The following GNAL variants were observed in gnomAD, a reference collection of about 807,000 sequenced individuals.
GNAL encodes G protein subunit alpha L.
A neutral mutation model predicts 55.1 loss-of-function variants in GNAL; 18 were observed. The observed-to-expected ratio is 0.33, with a 90% CI of 0.23 to 0.48. The LOEUF is 0.48. Among genes scored for constraint, GNAL ranks in the 20% least tolerant of loss-of-function variants. The pLI, the probability that GNAL is intolerant of heterozygous loss-of-function variation, is 0.99. For synonymous variants in GNAL, 253 were observed against 237.0 expected (o/e 1.07, Z -0.62); for missense variants, 412 against 614.1 (o/e 0.67, Z 3.48).
Position 11,752,280 on chromosome 18 carries a change from G to A in GNAL, c.377-573G>A, listed in dbSNP as rs534561697. 3.5e-6 allele frequency: 5 copies of A among 1,415,474 alleles called. No individual in the cohort carries two copies. The highest frequency in any genetic ancestry group is 4.6e-6 in the Non-Finnish European group (5 of 1,086,230). 87.7% of individuals were successfully genotyped at this position (1,415,474 alleles called of 1,614,324 possible). A position where few individuals can be genotyped will look rare whatever the true frequency, so the allele number is the denominator to read the frequency against. On this transcript the variant is annotated intron_variant, in intron 1 of 11. Transcript: ENST00000334049. This position sits in a 1 kb window ranked among gnomAD's most constrained non-coding sequence, Gnocchi z 4.5. ...GTGGGCAGGGGGAGGGAGAAGAAACGCCTGCTCTGAATCGGAAAACACCGA... is the reference window on the plus strand; with the variant it reads ...GTGGGCAGGGGGAGGGAGAAGAAACACCTGCTCTGAATCGGAAAACACCGA...
chr18:11,780,349 G>T, intron 4 of GNAL, among the ~76,000 whole-genome samples: 1 of 149,986 alleles, frequency 6.7e-6, no homozygotes. Flanking sequence ...AAATATCCAA[G>T]TTTGTTTTTA....
chr18:11,796,596 C>A (rs8098035), intron 4 of GNAL, among the ~76,000 whole-genome samples: 56,795 of 127,818 alleles, frequency 0.44, 14,533 homozygotes, highest in African/African-American at 0.73. Flanking sequence ...AAAAAAAAAA[C>A]AAAACACGCA....
intron 4 of GNAL, among the ~76,000 whole-genome samples, chr18:11,805,698 A>G (rs948821995): frequency 1.3e-5 from 2 of 152,160 alleles, no homozygotes; most frequent in African/African-American, 4.8e-5. Flanking sequence ...TCACTTTTTT[A>G]TGGCCAAAAA....
intron 1 of GNAL, among the ~76,000 whole-genome samples, chr18:11,730,411 C>T (rs1286278174): frequency 3.5e-4 from 53 of 151,942 alleles, no homozygotes; most frequent in Admixed American, 3.2e-3. Flanking sequence ...CTGCCTGCCT[C>T]GGCCTCCCAA....
At chr18:11,754,252 G>A (rs1205036804) in intron 4 of GNAL, among the ~76,000 whole-genome samples, 2 of 151,726 alleles carry the variant, frequency 1.3e-5, no homozygotes, top group South Asian at 2.1e-4. Flanking sequence ...CCATCTCTAC[G>A]AAAAATACAA....
At chr18:11,818,781 C>T (rs1380962568) in intron 4 of GNAL, among the ~76,000 whole-genome samples, 1 of 152,222 alleles carries the variant, frequency 6.6e-6, no homozygotes, top group East Asian at 1.9e-4. Flanking sequence ...AGGAAAGTCA[C>T]AGGATCCACA....
intron 4 of GNAL, among the ~76,000 whole-genome samples, chr18:11,788,731 C>T (rs955432302): frequency 6.6e-6 from 1 of 150,510 alleles, no homozygotes; most frequent in African/African-American, 2.5e-5. Context: ...AACCCCGTCT[C>T]TACTAAAAAT....
At chr18:11,798,557 TA>T (rs947343812) in intron 4 of GNAL, among the ~76,000 whole-genome samples, 11 of 152,168 alleles carry the variant, frequency 7.2e-5, no homozygotes, top group Non-Finnish European at 1.6e-4. Flanking sequence ...AGTCTTCTCT[TA>T]CCTTTATTTA....
intron 5 of GNAL, among the ~76,000 whole-genome samples, chr18:11,833,181 G>A (rs1303208259): frequency 2.0e-5 from 3 of 151,682 alleles, no homozygotes; most frequent in Admixed American, 6.6e-5. Context: ...ACAGGGGCCC[G>A]CCACCACTCC....
chr18:11,851,100 T>A (rs2035847646), intron 5 of GNAL, among the ~76,000 whole-genome samples: 2 of 152,218 alleles, frequency 1.3e-5, no homozygotes. Flanking sequence ...CGTGGGTAAT[T>A]TTACACGCGG....
chr18:11,708,531 G>C (rs2031766025), intron 1 of GNAL, among the ~76,000 whole-genome samples: 1 of 152,184 alleles, frequency 6.6e-6, no homozygotes, highest in Non-Finnish European at 1.5e-5. Context: ...ATATTGCAAA[G>C]ATTACCAAAA....
chr18:11,836,759 C>G (rs2035506911), intron 5 of GNAL, among the ~76,000 whole-genome samples: 1 of 152,122 alleles, frequency 6.6e-6, no homozygotes, highest in Non-Finnish European at 1.5e-5. Flanking sequence ...ATTAAAAGTT[C>G]ACCAAGCATT....
chr18:11,695,922 G>GCA (rs10661294), intron 1 of GNAL, among the ~76,000 whole-genome samples: 4,459 of 135,860 alleles, frequency 0.033, 79 homozygotes, highest in Non-Finnish European at 0.043. Flanking sequence ...ATGCACGCAT[G>GCA]CACACACACA....
In GNAL at chr18:11,868,597, G is replaced by T. The variant is rs373893245; in HGVS notation, c.965G>T (p.Arg322Leu). 2 of 1,610,812 alleles carry T rather than the reference G, an allele frequency of 1.2e-6. No homozygotes were observed. The highest frequency in any genetic ancestry group is 2.7e-5 in the African/African-American group (2 of 74,750). ...TGCAGTAGCTACAACATGGTGATTCGAGAAGATAACAACACCAACAGGCTG... is the reference window on the plus strand; with the variant it reads ...TGCAGTAGCTACAACATGGTGATTCTAGAAGATAACAACACCAACAGGCTG... ...AACSSYNMVI[R>L]EDNNTNRLRE... The change falls in exon 9 of 12, where the codon CGA becomes CTA. Residue 322 changes from arginine to leucine, a missense_variant. Coordinates refer to ENST00000334049, the MANE Select transcript of GNAL (RefSeq NM_182978.4). The surrounding 1 kb of genome is among the most constrained non-coding windows in gnomAD (Gnocchi z 4.0).
intron 4 of GNAL, among the ~76,000 whole-genome samples, chr18:11,808,846 C>T (rs1229777148): frequency 6.6e-6 from 1 of 152,218 alleles, no homozygotes; most frequent in Non-Finnish European, 1.5e-5. Flanking sequence ...CTGACACATG[C>T]CATATCAGAG....
chr18:11,726,705 A>G (rs2032219595), intron 1 of GNAL, among the ~76,000 whole-genome samples: 1 of 152,150 alleles, frequency 6.6e-6, no homozygotes, highest in Non-Finnish European at 1.5e-5. Context: ...ATACCCTCCC[A>G]TGCCTGAATC....
chr18:11,743,964 G>GAAC (rs1359433717), intron 1 of GNAL, among the ~76,000 whole-genome samples: 1 of 151,588 alleles, frequency 6.6e-6, no homozygotes, highest in Non-Finnish European at 1.5e-5. Flanking sequence ...GACCTTGATA[G>GAAC]TTCATTCTAT....
intron 5 of GNAL, among the ~76,000 whole-genome samples, chr18:11,856,407 G>A (rs2036009003): frequency 6.6e-6 from 1 of 151,272 alleles, no homozygotes; most frequent in Non-Finnish European, 1.5e-5. Flanking sequence ...GCCTGGCCTG[G>A]GTGGTCACTC....
intron 1 of GNAL, among the ~76,000 whole-genome samples, chr18:11,695,340 T>C (rs1243729274): frequency 6.6e-6 from 1 of 152,230 alleles, no homozygotes; most frequent in Non-Finnish European, 1.5e-5. Context: ...TCACACAGAC[T>C]TTTCTGCAGG....
Sources: allele counts gnomAD v4.1 joint callset (sites outside exome capture counted in the v4.1 genomes callset), GRCh38; gene constraint gnomAD v4.1.1; non-coding constraint Gnocchi (gnomAD v3.1); transcripts MANE v1.5; gene names NCBI Gene and HGNC (gene_info 2026-07-23, HGNC 2026-07-21).